The following ANK3 variants were observed in gnomAD, a reference collection of about 807,000 sequenced individuals.
The protein encoded by ANK3 is ankyrin-3.
In ANK3, 57 loss-of-function variants were observed where a neutral mutation model predicts 370.9. The observed-to-expected ratio is 0.15, with a 90% CI of 0.12 to 0.19. The LOEUF is 0.19. Among genes scored for constraint, ANK3 ranks in the 10% least tolerant of loss-of-function variants. The pLI is 1.00. For synonymous variants in ANK3, 1,929 were observed against 1,946.3 expected, an observed-to-expected ratio of 0.99 and a Z score of 0.23; for missense variants, 4,439 against 5,302.1, an observed-to-expected ratio of 0.84 and a Z score of 5.06.
intron 1 of ANK3, among the ~76,000 whole-genome samples, chr10:60,709,288 T>TATATCC (rs1303652843): frequency 1.9e-4 from 8 of 41,240 alleles, no homozygotes; most frequent in Non-Finnish European, 4.2e-4. Flanking sequence ...TATCTATATC[T>TATATCC]ATATCTATAT....
At chr10:60,212,889 G>T (rs551190420) in intron 9 of ANK3, among the ~76,000 whole-genome samples, 322 of 152,128 alleles carry the variant, frequency 2.1e-3, no homozygotes, top group Non-Finnish European at 3.9e-3. Flanking sequence ...AAGTCTAAAA[G>T]AGAGTCAACC....
chr10:60,213,514 T>A lies in ANK3; in HGVS notation c.898-4A>T, dbSNP rs2096887968. On this transcript the variant is annotated splice_polypyrimidine_tract_variant and splice_region_variant and intron_variant, in intron 8 of 43. Transcript: ENST00000280772. ...AGTGCAGTGGTGTCAGACCATCCTGTTGAACAAAGGAAACATCACCAATTA... is the reference window on the plus strand; with the variant it reads ...AGTGCAGTGGTGTCAGACCATCCTGATGAACAAAGGAAACATCACCAATTA... 6.3e-7 allele frequency: 1 copy of A among 1,583,644 alleles called. No homozygotes were observed. Among genetic ancestry groups the A allele is most frequent in the East Asian group, 2.3e-5 (1 of 44,096 alleles).
intron 4 of ANK3, among the ~76,000 whole-genome samples, chr10:60,277,106 G>A (rs1174037984): frequency 1.3e-5 from 2 of 152,208 alleles, no homozygotes; most frequent in Non-Finnish European, 2.9e-5. Context: ...GAACCATGCA[G>A]TTGGAAGCAC....
intron 2 of ANK3, among the ~76,000 whole-genome samples, chr10:60,509,957 A>G (rs936040681): frequency 6.6e-6 from 1 of 152,034 alleles, no homozygotes; most frequent in Admixed American, 6.6e-5. Context: ...CCCCACATGG[A>G]AGCAGTGTAC....
intron 1 of ANK3, among the ~76,000 whole-genome samples, chr10:60,314,283 C>A (rs1330396144): frequency 6.6e-6 from 1 of 152,158 alleles, no homozygotes; most frequent in Non-Finnish European, 1.5e-5. Flanking sequence ...CTGCACTAAG[C>A]ATTTTGCATT....
At chr10:60,680,527 T>C (rs2079181661) in intron 1 of ANK3, among the ~76,000 whole-genome samples, 1 of 152,236 alleles carries the variant, frequency 6.6e-6, no homozygotes, top group African/African-American at 2.4e-5. Flanking sequence ...GGAATGGTTC[T>C]AAATAGGTGT....
intron 25 of ANK3, among the ~76,000 whole-genome samples, chr10:60,116,048 C>T (rs1353695831): frequency 1.3e-5 from 2 of 152,048 alleles, no homozygotes; most frequent in Non-Finnish European, 2.9e-5. Flanking sequence ...GAAGGATTGG[C>T]TAGAATTCTC....
At chr10:60,436,666 C>A (rs1209797160) in intron 2 of ANK3, among the ~76,000 whole-genome samples, 2 of 152,112 alleles carry the variant, frequency 1.3e-5, no homozygotes, top group African/African-American at 4.8e-5. Context: ...ATCTTTGTAT[C>A]ATTGAGTTGC....
intron 5 of ANK3, among the ~76,000 whole-genome samples, chr10:60,268,847 C>T (rs2097918615): frequency 6.6e-6 from 1 of 152,058 alleles, no homozygotes; most frequent in African/African-American, 2.4e-5. Flanking sequence ...AAGATTAGAT[C>T]TTATTTTGTA....
chr10:60,717,712 C>G lies in ANK3; in HGVS notation c.57+15551G>C, dbSNP rs2079809671. ...AATGAAAACTCAGATTAGTCTGACTCTGAAAGCCCTTCAACTTCATTACCA... is the reference window on the plus strand; with the variant it reads ...AATGAAAACTCAGATTAGTCTGACTGTGAAAGCCCTTCAACTTCATTACCA... On this transcript the variant is annotated intron_variant, in intron 1 of 43. Transcript: ENST00000373827. 2.6e-5 allele frequency among the ~76,000 whole-genome samples: 4 copies of G among 152,178 alleles called. No homozygotes were observed. The South Asian group carries it at 8.3e-4, about 32-fold the overall frequency.
At chr10:60,210,786 G>C (rs185840184) in intron 9 of ANK3, among the ~76,000 whole-genome samples, 2 of 152,188 alleles carry the variant, frequency 1.3e-5, no homozygotes, top group Admixed American at 1.3e-4. Context: ...GAGGATTTGA[G>C]TGTGGTAATT....
intron 2 of ANK3, among the ~76,000 whole-genome samples, chr10:60,418,258 T>C (rs1301197550): frequency 6.6e-6 from 1 of 152,154 alleles, no homozygotes; most frequent in Non-Finnish European, 1.5e-5. Flanking sequence ...TGACTTCCAG[T>C]AGAGCCTCAA....
At chr10:60,372,630 A>C (rs1430457146) in intron 1 of ANK3, among the ~76,000 whole-genome samples, 1 of 152,174 alleles carries the variant, frequency 6.6e-6, no homozygotes, top group Non-Finnish European at 1.5e-5. Context: ...GCAATTCATA[A>C]GCAGAGACTG....
chr10:60,200,412 C>T, intron 12 of ANK3, 185 bp from the exon 13 acceptor site: 1 of 643,196 alleles, frequency 1.6e-6, no homozygotes, highest in African/African-American at 1.8e-5. Context: ...GAGGCAAAGA[C>T]TTTGGCATAA....
chr10:60,573,920 C>T (rs1278364583), intron 2 of ANK3, among the ~76,000 whole-genome samples: 3 of 152,154 alleles, frequency 2.0e-5, no homozygotes, highest in Admixed American at 6.5e-5. Context: ...CACACAGTAA[C>T]ATTGTTATTC....
chr10:60,678,683 G>A (rs2079157267), intron 1 of ANK3, among the ~76,000 whole-genome samples: 4 of 152,104 alleles, frequency 2.6e-5, no homozygotes, highest in Non-Finnish European at 5.9e-5. Context: ...ACATTTATAT[G>A]TTATAGTACT....
At chr10:60,550,944 T>G (rs554441550) in intron 2 of ANK3, among the ~76,000 whole-genome samples, 4 of 152,208 alleles carry the variant, frequency 2.6e-5, no homozygotes, top group Non-Finnish European at 5.9e-5. Flanking sequence ...CTTCCATCAC[T>G]TCAATATATC....
At chr10:60,116,075 A>G (rs2093056681) in intron 25 of ANK3, among the ~76,000 whole-genome samples, 1 of 152,106 alleles carries the variant, frequency 6.6e-6, no homozygotes, top group South Asian at 2.1e-4. Flanking sequence ...AAGTGATTTG[A>G]CCTTCATAAT....
intron 2 of ANK3, among the ~76,000 whole-genome samples, chr10:60,489,908 A>G (rs2075449944): frequency 6.6e-6 from 1 of 152,168 alleles, no homozygotes; most frequent in African/African-American, 2.4e-5. Context: ...GGATAAAAAC[A>G]TTTTCTTGCC....
Sources: allele counts gnomAD v4.1 joint callset (sites outside exome capture counted in the v4.1 genomes callset), GRCh38; gene constraint gnomAD v4.1.1; transcripts MANE v1.5; gene names NCBI Gene and HGNC (gene_info 2026-07-23, HGNC 2026-07-21).